COG5: variants seen among roughly 807,000 people sequenced by gnomAD.
The protein encoded by COG5 is component of oligomeric golgi complex 5, also known as conserved oligomeric Golgi complex subunit 5.
A neutral mutation model predicts 110.4 loss-of-function variants in COG5; 86 were observed. The observed-to-expected ratio is 0.78, with a 90% CI of 0.65 to 0.93. COG5 has a LOEUF of 0.93. COG5 is among the 40% of genes least tolerant of loss of function. The pLI is 0.00. For missense variants in COG5, 1,077 were observed against 987.0 expected (o/e 1.09, Z -1.22); for synonymous variants, 360 against 334.6 (o/e 1.08, Z -0.83).
intron 8 of COG5, among the ~76,000 whole-genome samples, chr7:107,372,186 G>A (rs1323902635): frequency 2.0e-5 from 3 of 152,022 alleles, no homozygotes; most frequent in Non-Finnish European, 4.4e-5. Flanking sequence ...TTTTTCCTGG[G>A]TACCAGAATT....
chr7:107,346,860 A>C (rs887557016), intron 10 of COG5, among the ~76,000 whole-genome samples: 1 of 151,740 alleles, frequency 6.6e-6, no homozygotes, highest in Non-Finnish European at 1.5e-5. Flanking sequence ...CACTCCCCCT[A>C]CCCCACAACA....
chr7:107,397,977 T>TG (rs1460580500), intron 7 of COG5, among the ~76,000 whole-genome samples: 1 of 152,028 alleles, frequency 6.6e-6, no homozygotes, highest in Non-Finnish European at 1.5e-5. Context: ...ACTTTCTCTA[T>TG]GGAAAAAAAA....
rs972375239 is a variant in COG5 at position 107,208,883 on chromosome 7, T to C, written c.2375+1643A>G. 6 of 985,338 alleles carry C rather than the reference T, an allele frequency of 6.1e-6. No individual in the cohort carries two copies. In the African/African-American group the frequency reaches 1.0e-4, roughly 17 times the overall value. The allele number at this position is 985,338 out of a possible 1,614,324, so 61.0% of individuals were successfully genotyped here. On this transcript the variant is annotated intron_variant, in intron 21 of 21. Coordinates refer to ENST00000297135, the MANE Select transcript of COG5 (RefSeq NM_006348.5). ...TGACCTGTCATAGCTTCCTCAGCAG[T>C]CTTTCATCCTAACTGAAATATGACC...
intron 6 of COG5, among the ~76,000 whole-genome samples, chr7:107,508,363 G>C (rs1294027861): frequency 6.6e-6 from 1 of 152,216 alleles, no homozygotes; most frequent in Non-Finnish European, 1.5e-5. Context: ...GGCTTGATTA[G>C]GTAAACAAAG....
chr7:107,540,580 AAAAT>A (rs1311910106), intron 5 of COG5, among the ~76,000 whole-genome samples: 1 of 150,732 alleles, frequency 6.6e-6, no homozygotes, highest in Non-Finnish European at 1.5e-5. Flanking sequence ...CCTGTCTCAA[AAAAT>A]AAATAAATAA....
intron 7 of COG5, among the ~76,000 whole-genome samples, chr7:107,410,505 G>A (rs532660068): frequency 1.3e-5 from 2 of 152,140 alleles, no homozygotes; most frequent in East Asian, 1.9e-4. Flanking sequence ...TGTGATGGCA[G>A]GATCTCGGCT....
At chr7:107,469,029 T>C (rs913634937) in intron 6 of COG5, among the ~76,000 whole-genome samples, 1 of 149,986 alleles carries the variant, frequency 6.7e-6, no homozygotes, top group African/African-American at 2.4e-5. Context: ...AAATTTAATT[T>C]AATTTAAAAT....
Position 107,444,732 on chromosome 7 carries a change from C to T in COG5, c.539-32100G>A, listed in dbSNP as rs561697752. On this transcript the variant is annotated intron_variant, in intron 6 of 21. Transcript: ENST00000297135. The stretch of plus-strand genomic sequence containing the variant: ...TGCCTCTCCTGTAATAAAAGAATAG[C>T]GATTTTCACATAAGAAACACATCAA... Among the ~76,000 whole-genome samples the T allele has an allele frequency of 1.6e-3, 249 of 152,134 alleles. 1 individual carries two copies. The highest frequency in any genetic ancestry group is 5.6e-3 in the African/African-American group (234 of 41,526).
At chr7:107,384,030 G>A (rs143745494) in intron 7 of COG5, among the ~76,000 whole-genome samples, 1,712 of 152,182 alleles carry the variant, frequency 0.011, 31 homozygotes, top group African/African-American at 0.04. Flanking sequence ...AGAAGGCCTC[G>A]GAATTTCTGA....
chr7:107,264,224 C>G (rs1312545869), intron 14 of COG5, among the ~76,000 whole-genome samples: 1 of 152,080 alleles, frequency 6.6e-6, no homozygotes, highest in African/African-American at 2.4e-5. Flanking sequence ...CTACAAATCT[C>G]TAAGACTTGA....
intron 6 of COG5, among the ~76,000 whole-genome samples, chr7:107,526,949 T>A (rs1800804537): frequency 6.6e-6 from 1 of 152,146 alleles, no homozygotes; most frequent in African/African-American, 2.4e-5. Context: ...TTGTTCTGTA[T>A]CATGACTGTA....
intron 6 of COG5, among the ~76,000 whole-genome samples, chr7:107,432,717 T>C (rs1003384397): frequency 6.6e-6 from 1 of 152,124 alleles, no homozygotes; most frequent in Non-Finnish European, 1.5e-5. Context: ...TTATAGTACA[T>C]ATATTCTACC....
At chr7:107,333,302 G>A (rs1430394291) in intron 10 of COG5, among the ~76,000 whole-genome samples, 1 of 152,012 alleles carries the variant, frequency 6.6e-6, no homozygotes, top group African/African-American at 2.4e-5. Flanking sequence ...GCCTTCGAGG[G>A]GAAACATTTT....
At chr7:107,469,783 T>A (rs1796521205) in intron 6 of COG5, among the ~76,000 whole-genome samples, 1 of 152,088 alleles carries the variant, frequency 6.6e-6, no homozygotes. Context: ...CCCACCTCCC[T>A]GCATTTTTTT....
intron 6 of COG5, among the ~76,000 whole-genome samples, chr7:107,465,362 A>G (rs1796237542): frequency 6.6e-6 from 1 of 152,212 alleles, no homozygotes. Context: ...CTTCAACAGT[A>G]CTGAAGAAAT....
At chr7:107,433,321 T>C (rs1224190555) in intron 6 of COG5, among the ~76,000 whole-genome samples, 1 of 152,172 alleles carries the variant, frequency 6.6e-6, no homozygotes, top group African/African-American at 2.4e-5. Context: ...GCATTTTGTG[T>C]GTGCATGCAG....
At chr7:107,295,417 C>T (rs1211086505) in intron 12 of COG5, among the ~76,000 whole-genome samples, 1 of 151,996 alleles carries the variant, frequency 6.6e-6, no homozygotes, top group East Asian at 1.9e-4. Flanking sequence ...TTATTTGCTT[C>T]ATAGCAATTA....
intron 16 of COG5, among the ~76,000 whole-genome samples, chr7:107,256,163 G>T (rs899265590): frequency 6.6e-6 from 1 of 152,046 alleles, no homozygotes; most frequent in African/African-American, 2.4e-5. Flanking sequence ...AGTTATGTTT[G>T]TATAGAAAAA....
At chr7:107,478,859 G>C (rs1797145396) in intron 6 of COG5, among the ~76,000 whole-genome samples, 2 of 151,902 alleles carry the variant, frequency 1.3e-5, no homozygotes, top group South Asian at 2.1e-4. Context: ...TAGAAAACAG[G>C]ACCTTAGTAG....
Sources: gnomAD v4.1 joint callset for allele counts (sites outside exome capture counted in the v4.1 genomes callset) on GRCh38, gnomAD v4.1.1 for gene constraint, MANE v1.5 for transcripts, NCBI Gene and HGNC (gene_info 2026-07-23, HGNC 2026-07-21) for gene names.